Variants in KIF26B observed in about 807,000 individuals in gnomAD.
KIF26B encodes the protein kinesin family member 26B.
A neutral mutation model predicts 151.2 loss-of-function variants in KIF26B; 63 were observed. That is an observed-to-expected ratio of 0.42 (90% CI 0.34 to 0.51). The LOEUF (loss-of-function observed/expected upper bound fraction) is 0.51. KIF26B is among the 20% of genes least tolerant of loss of function. The pLI is 0.07. For missense variants in KIF26B, 2,813 were observed against 2,913.6 expected (o/e 0.97, Z 0.79); for synonymous variants, 1,357 against 1,262.1 (o/e 1.08, Z -1.59).
At chr1:245,450,491 G>A (rs1659363429) in intron 4 of KIF26B, among the ~76,000 whole-genome samples, 1 of 152,220 alleles carries the variant, frequency 6.6e-6, no homozygotes, top group Non-Finnish European at 1.5e-5. Flanking sequence ...CTTTCTATAA[G>A]GTTTAGGGTA....
At chr1:245,278,187 C>T (rs1379046196) in intron 2 of KIF26B, among the ~76,000 whole-genome samples, 1 of 152,060 alleles carries the variant, frequency 6.6e-6, no homozygotes, top group Non-Finnish European at 1.5e-5. Context: ...GCACTTCAGA[C>T]TCTACACCAT....
intron 3 of KIF26B, among the ~76,000 whole-genome samples, chr1:245,405,314 T>G (rs1674108416): frequency 6.6e-6 from 1 of 152,236 alleles, no homozygotes; most frequent in Non-Finnish European, 1.5e-5. Context: ...CTTCATAAGA[T>G]CAGCCCACAA....
Position 245,686,053 on chromosome 1 carries a change from A to G in KIF26B, c.3070A>G (p.Ser1024Gly). The change falls in exon 12 of 15, where the codon AGC becomes GGC. Residue 1024 changes from serine (S) to glycine (G), a missense_variant. Coordinates refer to ENST00000407071, the MANE Select transcript of KIF26B (RefSeq NM_018012.4). This position sits in a 1 kb window ranked among gnomAD's most constrained non-coding sequence, Gnocchi z 5.6. ...AHSPSPASPR[S>G]VPGSSSQHSA... ...CAGCCCCAGCCCGGCCTCACCCAGG[A>G]GCGTCCCGGGCAGCAGTAGCCAGCA... The G allele has an allele frequency of 6.3e-7, 1 of 1,595,370 alleles. No individual in the cohort carries two copies.
chr1:245,312,337 G>T (rs1482262563), intron 2 of KIF26B, among the ~76,000 whole-genome samples: 2 of 152,222 alleles, frequency 1.3e-5, no homozygotes, highest in Admixed American at 6.5e-5. Flanking sequence ...GAAATTATCT[G>T]AGCCTGCATG....
intron 4 of KIF26B, among the ~76,000 whole-genome samples, chr1:245,538,598 C>T (rs1661535294): frequency 1.3e-5 from 2 of 152,012 alleles, no homozygotes; most frequent in South Asian, 4.2e-4. Flanking sequence ...TTCTAAGCTG[C>T]CTTTCAGTAT....
chr1:245,627,740 CTAAT>C (rs1346706427), intron 9 of KIF26B, among the ~76,000 whole-genome samples: 1 of 151,510 alleles, frequency 6.6e-6, no homozygotes, highest in Admixed American at 6.6e-5. Flanking sequence ...CTTCACTAGA[CTAAT>C]AAAGAAGAAA....
intron 4 of KIF26B, among the ~76,000 whole-genome samples, chr1:245,463,288 G>A (rs819743): frequency 0.82 from 124,765 of 152,096 alleles, 51,457 homozygotes; most frequent in African/African-American, 0.9. Flanking sequence ...ATAGACAAGG[G>A]ACCTGTGGCT....
At chr1:245,335,401 A>C (rs1261647538) in intron 2 of KIF26B, among the ~76,000 whole-genome samples, 7 of 152,190 alleles carry the variant, frequency 4.6e-5, no homozygotes, top group African/African-American at 7.2e-5. Flanking sequence ...CTCTAGTGCC[A>C]AACATGACAG....
chr1:245,289,285 G>A (rs1375366214), intron 2 of KIF26B, among the ~76,000 whole-genome samples: 1 of 152,148 alleles, frequency 6.6e-6, no homozygotes, highest in Non-Finnish European at 1.5e-5. Context: ...TTGAAGAGAA[G>A]ACTATCATCA....
intron 3 of KIF26B, among the ~76,000 whole-genome samples, chr1:245,409,951 A>T (rs1265282590): frequency 6.6e-6 from 1 of 152,222 alleles, no homozygotes; most frequent in Non-Finnish European, 1.5e-5. Flanking sequence ...CTAAGAAAAG[A>T]TCTGAACCAC....
At chr1:245,621,609 T>G (rs2043661745) in intron 9 of KIF26B, among the ~76,000 whole-genome samples, 1 of 152,232 alleles carries the variant, frequency 6.6e-6, no homozygotes, top group Non-Finnish European at 1.5e-5. Context: ...CCTGCAGTCT[T>G]GACCTCAAAA....
At chr1:245,221,643 G>C (rs1669776465) in intron 2 of KIF26B, among the ~76,000 whole-genome samples, 1 of 152,188 alleles carries the variant, frequency 6.6e-6, no homozygotes, top group South Asian at 2.1e-4. Context: ...CTGACATCAG[G>C]TGGTCAGCTT....
chr1:245,199,207 T>C (rs561108321), intron 2 of KIF26B, among the ~76,000 whole-genome samples: 1 of 152,252 alleles, frequency 6.6e-6, no homozygotes, highest in Admixed American at 6.5e-5. Context: ...TTTCTGTCTC[T>C]ATCAGATGCA....
chr1:245,285,244 A>C (rs763074979), intron 2 of KIF26B, among the ~76,000 whole-genome samples: 11 of 152,166 alleles, frequency 7.2e-5, no homozygotes, highest in Non-Finnish European at 1.6e-4. Flanking sequence ...ATTTATTCCA[A>C]GAGTGCCTAG....
intron 4 of KIF26B, among the ~76,000 whole-genome samples, chr1:245,505,621 G>T (rs1013859221): frequency 6.6e-6 from 1 of 152,136 alleles, no homozygotes; most frequent in African/African-American, 2.4e-5. Context: ...CTGACCTCAG[G>T]TGATCCAGCC....
At chr1:245,212,074 C>T (rs1669546809) in intron 2 of KIF26B, among the ~76,000 whole-genome samples, 1 of 152,162 alleles carries the variant, frequency 6.6e-6, no homozygotes, top group Non-Finnish European at 1.5e-5. Context: ...CACTGCCCCT[C>T]CCCACCCCCA....
intron 5 of KIF26B, among the ~76,000 whole-genome samples, chr1:245,570,536 A>G (rs1413342854): frequency 6.6e-6 from 1 of 152,182 alleles, no homozygotes; most frequent in Non-Finnish European, 1.5e-5. Context: ...GATCTTGGGA[A>G]TATGAATTCA....
intron 4 of KIF26B, among the ~76,000 whole-genome samples, chr1:245,507,712 A>G (rs1660752240): frequency 1.3e-5 from 2 of 152,138 alleles, no homozygotes; most frequent in Non-Finnish European, 2.9e-5. Flanking sequence ...TGGAGAGGAG[A>G]GTCCCGGGAG....
chr1:245,222,212 G>A (rs765570100), intron 2 of KIF26B, among the ~76,000 whole-genome samples: 11 of 152,116 alleles, frequency 7.2e-5, no homozygotes, highest in African/African-American at 9.7e-5. Flanking sequence ...TGAGGCAGGC[G>A]GATCACCTGA....
Sources: gnomAD v4.1 joint callset for allele counts (sites outside exome capture counted in the v4.1 genomes callset) on GRCh38, gnomAD v4.1.1 for gene constraint, Gnocchi (gnomAD v3.1) non-coding constraint, MANE v1.5 for transcripts, NCBI Gene and HGNC (gene_info 2026-07-23, HGNC 2026-07-21) for gene names.